EVX2: variants seen among roughly 807,000 people sequenced by gnomAD.
EVX2 encodes the protein even-skipped homeobox 2, also known as homeobox even-skipped homolog protein 2.
A neutral mutation model predicts 19.2 loss-of-function variants in EVX2; 10 were observed. The observed-to-expected ratio is 0.52, with a 90% CI of 0.32 to 0.89. The LOEUF (loss-of-function observed/expected upper bound fraction) is 0.89. Ranked by LOEUF, EVX2 falls within the 40% of genes least tolerant of loss-of-function variation. The probability of loss-of-function intolerance (pLI) is 0.03; values close to 1 mark genes in which losing one functional copy is unlikely to be tolerated. For synonymous variants in EVX2, 354 were observed against 328.4 expected, an observed-to-expected ratio of 1.08 and a Z score of -0.84; for missense variants, 710 against 694.9, an observed-to-expected ratio of 1.02 and a Z score of -0.24.
rs779555868 is a variant in EVX2 at position 176,083,606 on chromosome 2, G to A, written c.171C>T (p.Pro57=). 3 of 1,614,212 alleles carry A rather than the reference G, an allele frequency of 1.9e-6. No individual in the cohort carries two copies. Among genetic ancestry groups the A allele is most frequent in the Middle Eastern group, 1.6e-4 (1 of 6,062 alleles). ...ARLSPRLPSA[P]LHSALGELPA... ...GGAGTTCTCCCAGAGCGCTGTGCAG[G>A]GGGGCAGACGGCAGGCGCGGGCTTA... is the stretch of plus-strand genomic sequence containing the variant. The change falls in exon 1 of 3, where the codon CCC becomes CCT. Residue 57 remains proline, a synonymous_variant. Coordinates refer to ENST00000308618, the MANE Select transcript of EVX2 (RefSeq NM_001080458.2). The surrounding 1 kb of genome is among the most constrained non-coding windows in gnomAD (Gnocchi z 4.4).
chr2:176,080,784 AG>A lies in EVX2; in HGVS notation c.753del (p.Trp252GlyfsTer13). The A allele has an allele frequency of 6.2e-7, 1 of 1,612,296 alleles. No homozygotes were observed. ...MKDKRQRLAM[S>X]WPHPADPSFY... Reference sequence around the variant, plus strand: ...AAGCTGGGGTCGGCTGGGTGCGGCCAGGACATGGCCAGGCGCTGCCGCTTGT... The same window carrying A: ...AAGCTGGGGTCGGCTGGGTGCGGCCAGACATGGCCAGGCGCTGCCGCTTGT... On this transcript the variant is annotated frameshift_variant, in exon 3 of 3. Coordinates refer to ENST00000308618, the MANE Select transcript of EVX2 (RefSeq NM_001080458.2). LOFTEE classifies it high-confidence loss of function. This position sits in a 1 kb window ranked among gnomAD's most constrained non-coding sequence, Gnocchi z 7.0.
At position 176,082,942 on chromosome 2, in the gene EVX2, C is replaced by T. The variant is rs933542429; in HGVS notation, c.427+408G>A. On this transcript the variant is annotated intron_variant, in intron 1 of 2. Transcript: ENST00000308618. This position sits in a 1 kb window ranked among gnomAD's most constrained non-coding sequence, Gnocchi z 5.2. Reference sequence around the variant, plus strand: ...ACAGAGACGCCGGCGAGGCTTCCTCCGACTTACCCAGAAGAATGCCCCCTC... The same window carrying T: ...ACAGAGACGCCGGCGAGGCTTCCTCTGACTTACCCAGAAGAATGCCCCCTC... Among the ~76,000 whole-genome samples, 10 of 152,250 alleles carry T rather than the reference C, an allele frequency of 6.6e-5. 1 individual carries two copies. The highest frequency in any genetic ancestry group is 8.8e-5 in the Non-Finnish European group (6 of 68,040).
Position 176,077,918 on chromosome 2 carries a change from A to G in EVX2, c.*2189T>C, listed in dbSNP as rs1689078150. 6.6e-6 allele frequency: 1 copy of G among 152,188 alleles called. No homozygotes were observed. The highest frequency in any genetic ancestry group is 2.4e-5 in the African/African-American group (1 of 41,460). The allele number at this position is 152,188 out of a possible 1,614,324, so 9.4% of individuals were successfully genotyped here. On this transcript the variant is annotated 3_prime_UTR_variant, in exon 3 of 3. Coordinates refer to ENST00000308618, the MANE Select transcript of EVX2 (RefSeq NM_001080458.2). ...AGAGCTGGTATAATCAATATTTTAC[A>G]TAAGTAGTCTCATGTTTTTAAAAAC...
rs1450036498 is a variant in EVX2 at position 176,079,704 on chromosome 2, T to A, written c.*403A>T. 1 of 158,764 alleles carries A rather than the reference T, an allele frequency of 6.3e-6. No individual in the cohort carries two copies. The highest frequency in any genetic ancestry group is 2.4e-5 in the African/African-American group (1 of 41,652). The allele number at this position is 158,764 out of a possible 1,614,324, so 9.8% of individuals were successfully genotyped here. A position where few individuals can be genotyped will look rare whatever the true frequency, so the allele number is the denominator to read the frequency against. On this transcript the variant is annotated 3_prime_UTR_variant, in exon 3 of 3. Transcript: ENST00000308618. The surrounding 1 kb of genome is among the most constrained non-coding windows in gnomAD (Gnocchi z 4.4). ...GCACAGCATCCCCCTCTGTCTTTGTTGTGGTTCTCCGTTGCTTCGGGCCAC... is the reference window on the plus strand; with the variant it reads ...GCACAGCATCCCCCTCTGTCTTTGTAGTGGTTCTCCGTTGCTTCGGGCCAC...
rs1356109622 is a variant in EVX2, at chr2:176,082,966, T to C, written c.427+384A>G. Among the ~76,000 whole-genome samples the C allele has an allele frequency of 3.3e-5, 5 of 152,168 alleles. No homozygotes were observed. The highest frequency in any genetic ancestry group is 5.9e-5 in the Non-Finnish European group (4 of 68,034). ...CCGACTTACCCAGAAGAATGCCCCC[T>C]CCAGCCCTGAGGGCACAGGGGCAGG... On this transcript the variant is annotated intron_variant, in intron 1 of 2. Coordinates refer to ENST00000308618, the MANE Select transcript of EVX2 (RefSeq NM_001080458.2). This position sits in a 1 kb window ranked among gnomAD's most constrained non-coding sequence, Gnocchi z 5.2.
chr2:176,081,342 A>G lies in EVX2; in HGVS notation c.700-504T>C, dbSNP rs1383158859. ...GTCCGATTTTGATATTGAAGGGATG[A>G]TTTTGTTGGAATCGTTTGCCTTAAA... On this transcript the variant is annotated intron_variant, in intron 2 of 2. Coordinates refer to ENST00000308618, the MANE Select transcript of EVX2 (RefSeq NM_001080458.2). This position sits in a 1 kb window ranked among gnomAD's most constrained non-coding sequence, Gnocchi z 5.9. 6.6e-6 allele frequency among the ~76,000 whole-genome samples: 1 copy of G among 152,144 alleles called. No homozygotes were observed. The highest frequency in any genetic ancestry group is 1.5e-5 in the Non-Finnish European group (1 of 68,030).
Position 176,080,053 on chromosome 2 carries a change from A to C in EVX2, c.*54T>G. 6.8e-7 allele frequency: 1 copy of C among 1,466,674 alleles called. No homozygotes were observed. Among genetic ancestry groups the C allele is most frequent in the Non-Finnish European group, 9.0e-7 (1 of 1,106,070 alleles). The allele number at this position is 1,466,674 out of a possible 1,614,324, so 90.9% of individuals were successfully genotyped here. On this transcript the variant is annotated 3_prime_UTR_variant, in exon 3 of 3. Coordinates refer to ENST00000308618, the MANE Select transcript of EVX2 (RefSeq NM_001080458.2). This position sits in a 1 kb window ranked among gnomAD's most constrained non-coding sequence, Gnocchi z 7.0. ...GGAGGGCTCAGGGGGCGCACAGGGGACTCCCGGGCACACTCAGAGAGGCGG... is the reference window on the plus strand; with the variant it reads ...GGAGGGCTCAGGGGGCGCACAGGGGCCTCCCGGGCACACTCAGAGAGGCGG...
chr2:176,081,414 C>A lies in EVX2; in HGVS notation c.700-576G>T, dbSNP rs903901194. ...CCATAAACGGGGAAGGGGACGTTTC[C>A]ACCCCTCCCAACACTATCTAATAAA... On this transcript the variant is annotated intron_variant, in intron 2 of 2. Coordinates refer to ENST00000308618, the MANE Select transcript of EVX2 (RefSeq NM_001080458.2). The surrounding 1 kb of genome is among the most constrained non-coding windows in gnomAD (Gnocchi z 5.9). 6.6e-6 allele frequency among the ~76,000 whole-genome samples: 1 copy of A among 152,122 alleles called. No individual in the cohort carries two copies. Among genetic ancestry groups the A allele is most frequent in the Admixed American group, 6.5e-5 (1 of 15,268 alleles).
rs1689108850 is a variant in EVX2 at position 176,080,093 on chromosome 2, C to CT, written c.*13_*14insA. The CT allele has an allele frequency of 6.6e-7, 1 of 1,508,584 alleles. No homozygotes were observed. The highest frequency in any genetic ancestry group is 8.8e-7 in the Non-Finnish European group (1 of 1,131,618). 93.4% of individuals were successfully genotyped at this position (1,508,584 alleles called of 1,614,324 possible). On this transcript the variant is annotated 3_prime_UTR_variant, in exon 3 of 3. Coordinates refer to ENST00000308618, the MANE Select transcript of EVX2 (RefSeq NM_001080458.2). The surrounding 1 kb of genome is among the most constrained non-coding windows in gnomAD (Gnocchi z 7.0). ...CAGAGAGGCGGGCGCGGCCCCCTGG[C>CT]GGTGGCGACGTAGTTATCTGGTGAG...
rs776326605 is a variant in EVX2 at position 176,082,407 on chromosome 2, G to A, written c.470C>T (p.Ala157Val). 2.2e-5 allele frequency: 35 copies of A among 1,581,082 alleles called. No homozygotes were observed. In the South Asian group the frequency reaches 3.8e-4, roughly 17 times the overall value. Residue 157 changes from alanine to valine, a missense_variant, in exon 2 of 3, where the codon GCG becomes GTG. Ala to Val is a moderately conservative substitution (Grantham distance 64). Coordinates refer to ENST00000308618, the MANE Select transcript of EVX2 (RefSeq NM_001080458.2). The surrounding 1 kb of genome is among the most constrained non-coding windows in gnomAD (Gnocchi z 5.2). ...SGSAAGTTTSASGSGLGSLHG... is the reference protein window; with the variant it reads ...SGSAAGTTTSVSGSGLGSLHG... ...CAGGCTTCCGAGGCCTGAGCCCGACGCCGACGTCGTGGTGCCGGCAGCCGA... is the reference window on the plus strand; with the variant it reads ...CAGGCTTCCGAGGCCTGAGCCCGACACCGACGTCGTGGTGCCGGCAGCCGA...
Position 176,082,196 on chromosome 2 carries a change from C to G in EVX2, c.681G>C (p.Leu227=). The change falls in exon 2 of 3, where the codon CTG becomes CTC. Residue 227 remains leucine (L), a synonymous_variant. Coordinates refer to ENST00000308618, the MANE Select transcript of EVX2 (RefSeq NM_001080458.2). This position sits in a 1 kb window ranked among gnomAD's most constrained non-coding sequence, Gnocchi z 5.2. ...TTGATACCTTGATGGTGGTTTCGGGCAGGTTGAGTGCCGCGGCCAGCTCGC... is the reference window on the plus strand; with the variant it reads ...TTGATACCTTGATGGTGGTTTCGGGGAGGTTGAGTGCCGCGGCCAGCTCGC... ...RRCELAAALN[L]PETTIKVWFQ... The G allele has an allele frequency of 1.3e-6, 2 of 1,592,420 alleles. No individual in the cohort carries two copies. The highest frequency in any genetic ancestry group is 2.2e-5 in the South Asian group (2 of 89,354).
Position 176,080,764 on chromosome 2 carries a change from G to C in EVX2, c.774C>G (p.Pro258=), listed in dbSNP as rs1276659046. ...GCGTCATCATGTAGGTGTAGAAGCT[G>C]GGGTCGGCTGGGTGCGGCCAGGACA... ...LAMSWPHPAD[P]SFYTYMMTHA... Residue 258 remains proline (P), a synonymous_variant, in exon 3 of 3, where the codon CCC becomes CCG. Coordinates refer to ENST00000308618, the MANE Select transcript of EVX2 (RefSeq NM_001080458.2). This position sits in a 1 kb window ranked among gnomAD's most constrained non-coding sequence, Gnocchi z 7.0. The C allele has an allele frequency of 3.7e-6, 6 of 1,611,526 alleles. No homozygotes were observed. The highest frequency in any genetic ancestry group is 3.3e-5 in the South Asian group (3 of 91,056).
rs1055683585 is a variant in EVX2, at chr2:176,079,696, G to A, written c.*411C>T. ...GCACCAGCGCACAGCATCCCCCTCT[G>A]TCTTTGTTGTGGTTCTCCGTTGCTT... On this transcript the variant is annotated 3_prime_UTR_variant, in exon 3 of 3. Coordinates refer to ENST00000308618, the MANE Select transcript of EVX2 (RefSeq NM_001080458.2). The surrounding 1 kb of genome is among the most constrained non-coding windows in gnomAD (Gnocchi z 4.4). The A allele has an allele frequency of 8.8e-5, 14 of 158,726 alleles. No homozygotes were observed. The highest frequency in any genetic ancestry group is 1.8e-4 in the Non-Finnish European group (13 of 72,538). 9.8% of individuals were successfully genotyped at this position (158,726 alleles called of 1,614,324 possible).
In EVX2 at chr2:176,082,875, G is replaced by C. The variant is rs1369704704; in HGVS notation, c.428-426C>G. Among the ~76,000 whole-genome samples the C allele has an allele frequency of 6.6e-6, 1 of 152,148 alleles. No homozygotes were observed. The highest frequency in any genetic ancestry group is 2.4e-5 in the African/African-American group (1 of 41,440). On this transcript the variant is annotated intron_variant, in intron 1 of 2. Coordinates refer to ENST00000308618, the MANE Select transcript of EVX2 (RefSeq NM_001080458.2). The surrounding 1 kb of genome is among the most constrained non-coding windows in gnomAD (Gnocchi z 5.2). Reference sequence around the variant, plus strand: ...CAGTAGCTCAAACCCAAGCCAATAGGGGGTGAAATATACTTTTCAACTCTT... The same window carrying C: ...CAGTAGCTCAAACCCAAGCCAATAGCGGGTGAAATATACTTTTCAACTCTT...
In EVX2 at chr2:176,080,744, A is replaced by G. The variant is rs369040390; in HGVS notation, c.794T>C (p.Met265Thr). Residue 265 changes from methionine (M) to threonine (T), a missense_variant, in exon 3 of 3, where the codon ATG (methionine) becomes ACG (threonine). By Grantham distance (81) the Met-to-Thr change is moderately conservative (BLOSUM62 -1). Coordinates refer to ENST00000308618, the MANE Select transcript of EVX2 (RefSeq NM_001080458.2). The surrounding 1 kb of genome is among the most constrained non-coding windows in gnomAD (Gnocchi z 7.0). ...GCTTCCGGTGGCGGCCGCGTGCGTC[A>G]TCATGTAGGTGTAGAAGCTGGGGTC... ...PADPSFYTYMMTHAAATGSLP... is the reference protein window; with the variant it reads ...PADPSFYTYMTTHAAATGSLP... 36 of 1,610,172 alleles carry G rather than the reference A, an allele frequency of 2.2e-5. No homozygotes were observed. The highest frequency in any genetic ancestry group is 2.9e-5 in the Non-Finnish European group (34 of 1,179,788).
At position 176,080,284 on chromosome 2, in the gene EVX2, G is replaced by GCCGCCGCCACCACCACCACCA. The variant is rs1689118182; in HGVS notation, c.1253_1254insTGGTGGTGGTGGTGGCGGCGG (p.Gly422_Gly428dup). 2 of 1,278,772 alleles carry GCCGCCGCCACCACCACCACCA rather than the reference G, an allele frequency of 1.6e-6. No individual in the cohort carries two copies. Among genetic ancestry groups the GCCGCCGCCACCACCACCACCA allele is most frequent in the African/African-American group, 1.6e-5 (1 of 63,374 alleles). 79.2% of individuals were successfully genotyped at this position (1,278,772 alleles called of 1,614,324 possible). A position where few individuals can be genotyped will look rare whatever the true frequency, so the allele number is the denominator to read the frequency against. On this transcript the variant is annotated inframe_insertion, in exon 3 of 3. Transcript: ENST00000308618. The surrounding 1 kb of genome is among the most constrained non-coding windows in gnomAD (Gnocchi z 7.0). ...CGCCGCCGCCGCCACCACCACCACCGCCGCCGCCACCGCCACCCCGGGAAC... is the reference window on the plus strand; with the variant it reads ...CGCCGCCGCCGCCACCACCACCACCGCCGCCGCCACCACCACCACCACCGCCGCCACCGCCACCCCGGGAAC...
chr2:176,082,334 G>T lies in EVX2; in HGVS notation c.543C>A (p.Ser181=), dbSNP rs1395897955. Residue 181 remains serine (S), a synonymous_variant, in exon 2 of 3, where the codon TCC becomes TCA. Coordinates refer to ENST00000308618, the MANE Select transcript of EVX2 (RefSeq NM_001080458.2). This position sits in a 1 kb window ranked among gnomAD's most constrained non-coding sequence, Gnocchi z 5.2. ...GSGGSAALGG[S]GSGADQVRRY... ...GCCGCACTTGATCCGCGCCAGAGCC[G>T]GAGCCACCCAGCGCCGCGCTCCCGC... 3 of 1,597,286 alleles carry T rather than the reference G, an allele frequency of 1.9e-6. No individual in the cohort carries two copies. Among genetic ancestry groups the T allele is most frequent in the Non-Finnish European group, 2.5e-6 (3 of 1,176,650 alleles).
At position 176,080,336 on chromosome 2, in the gene EVX2, G is replaced by T. The variant is rs1689120625; in HGVS notation, c.1202C>A (p.Ala401Asp). ...SCHSSQSAAAAAAAAAAALGS... is the reference protein window; with the variant it reads ...SCHSSQSAAADAAAAAAALGS... ...CAGGGCTGCGGCAGCTGCTGCCGCGGCTGCCGCCGCCGACTGACTGCTGTG... is the reference window on the plus strand; with the variant it reads ...CAGGGCTGCGGCAGCTGCTGCCGCGTCTGCCGCCGCCGACTGACTGCTGTG... The change falls in exon 3 of 3, where the codon GCC becomes GAC. Residue 401 changes from alanine (A) to aspartate (D), a missense_variant. Ala to Asp is a moderately radical substitution (Grantham distance 126). Coordinates refer to ENST00000308618, the MANE Select transcript of EVX2 (RefSeq NM_001080458.2). The surrounding 1 kb of genome is among the most constrained non-coding windows in gnomAD (Gnocchi z 7.0). The T allele has an allele frequency of 1.6e-6, 2 of 1,275,630 alleles. No individual in the cohort carries two copies. The highest frequency in any genetic ancestry group is 1.9e-5 in the South Asian group (1 of 53,278). The allele number at this position is 1,275,630 out of a possible 1,614,324, so 79.0% of individuals were successfully genotyped here.
At position 176,083,255 on chromosome 2, in the gene EVX2, T is replaced by G. The variant is rs940704209; in HGVS notation, c.427+95A>C. On this transcript the variant is annotated intron_variant, in intron 1 of 2. Transcript: ENST00000308618. This position sits in a 1 kb window ranked among gnomAD's most constrained non-coding sequence, Gnocchi z 4.4. ...CTCGGTGTAGCTTGCCTGTGGAGGG[T>G]CTGAGAGGGGAAAAGGCACCGGGAA... is the stretch of plus-strand genomic sequence containing the variant. 7 of 1,315,398 alleles carry G rather than the reference T, an allele frequency of 5.3e-6. No homozygotes were observed. The highest frequency in any genetic ancestry group is 5.2e-6 in the Non-Finnish European group (5 of 959,254). The allele number at this position is 1,315,398 out of a possible 1,614,324, so 81.5% of individuals were successfully genotyped here.
Sources: allele counts gnomAD v4.1 joint callset (sites outside exome capture counted in the v4.1 genomes callset), GRCh38; gene constraint gnomAD v4.1.1; non-coding constraint Gnocchi (gnomAD v3.1); transcripts MANE v1.5; gene names NCBI Gene and HGNC (gene_info 2026-07-23, HGNC 2026-07-21).